TTYH2: variants seen among roughly 807,000 people sequenced by gnomAD.
TTYH2 encodes the protein tweety family member 2, also known as protein tweety homolog 2.
TTYH2 carries 49 observed loss-of-function variants against 68.3 expected under a neutral mutation model. The observed-to-expected ratio is 0.72, with a 90% confidence interval of 0.57 to 0.91. The LOEUF (loss-of-function observed/expected upper bound fraction) is 0.91. TTYH2 is among the 40% of genes least tolerant of loss of function. TTYH2 has a pLI of 0.00. For missense variants in TTYH2, 631 were observed against 700.4 expected, an observed-to-expected ratio of 0.90 and a Z score of 1.12; for synonymous variants, 272 against 300.8, an observed-to-expected ratio of 0.90 and a Z score of 0.99.
chr17:74,221,262 G>A (rs2050272943), intron 1 of TTYH2, among the ~76,000 whole-genome samples: 1 of 152,172 alleles, frequency 6.6e-6, no homozygotes, highest in African/African-American at 2.4e-5. Context: ...CATCTCACAG[G>A]GCTGGCAGCG....
At chr17:74,248,610 T>C (rs2050585612) in intron 6 of TTYH2, 1 of 1,075,920 alleles carries the variant, frequency 9.3e-7, no homozygotes, top group Non-Finnish European at 1.1e-6. Flanking sequence ...GAGGCCATGG[T>C]GTAACGAACT....
At chr17:74,246,291 T>G (rs1275152949) in intron 6 of TTYH2, among the ~76,000 whole-genome samples, 1 of 152,074 alleles carries the variant, frequency 6.6e-6, no homozygotes, top group Non-Finnish European at 1.5e-5. Flanking sequence ...GCCCACATCC[T>G]CCCTTCACCC....
At chr17:74,233,361 C>T (rs902246421) in intron 3 of TTYH2, among the ~76,000 whole-genome samples, 5 of 152,140 alleles carry the variant, frequency 3.3e-5, no homozygotes, top group Admixed American at 2.6e-4. Context: ...GGGAGAAGTC[C>T]GGATATCAGA....
chr17:74,253,181 T>G lies in TTYH2; in HGVS notation c.1360T>G (p.Cys454Gly), dbSNP rs972622570. 2.5e-6 allele frequency: 4 copies of G among 1,613,950 alleles called. No homozygotes were observed. The Admixed American group carries it at 6.7e-5, about 27-fold the overall frequency. ...CCCGAGGGGACAGCTTCACAGCTTCTGCAGCTACAGCAGTGGCCTGGGAAG... is the reference window on the plus strand; with the variant it reads ...CCCGAGGGGACAGCTTCACAGCTTCGGCAGCTACAGCAGTGGCCTGGGAAG... Reference protein sequence around the residue: ...SPPRGQLHSFCSYSSGLGSQT... With the variant: ...SPPRGQLHSFGSYSSGLGSQT... The change falls in exon 12 of 14, where the codon TGC becomes GGC. Residue 454 changes from cysteine to glycine, a missense_variant. Cys to Gly is a radical substitution (Grantham distance 159). Transcript: ENST00000269346.
intron 2 of TTYH2, among the ~76,000 whole-genome samples, chr17:74,226,454 G>T (rs1400762531): frequency 6.6e-6 from 1 of 152,164 alleles, no homozygotes; most frequent in Non-Finnish European, 1.5e-5. Flanking sequence ...GTGGGAGGGG[G>T]GTTGGGAAAA....
rs756843412 is a variant in TTYH2 at position 74,215,635 on chromosome 17, G to A, written c.129+1919G>A. The A allele has an allele frequency of 9.1e-6, 14 of 1,535,524 alleles. No homozygotes were observed. The highest frequency in any genetic ancestry group is 1.7e-4 in the Middle Eastern group (1 of 5,994). On this transcript the variant is annotated intron_variant, in intron 1 of 13. Transcript: ENST00000269346. The surrounding 1 kb of genome is among the most constrained non-coding windows in gnomAD (Gnocchi z 4.3). Reference sequence around the variant, plus strand: ...TCACCCCCTCACCACCACTCAGATCGCTGAGTAGGAGATGAGCGTGGTGGG... The same window carrying A: ...TCACCCCCTCACCACCACTCAGATCACTGAGTAGGAGATGAGCGTGGTGGG...
At chr17:74,251,972 C>T in intron 10 of TTYH2, 1 of 479,672 alleles carries the variant, frequency 2.1e-6, no homozygotes, top group Non-Finnish European at 3.8e-6. Context: ...CCTGCAACCT[C>T]CTCCGCCCTG....
intron 13 of TTYH2, among the ~76,000 whole-genome samples, chr17:74,258,745 C>T (rs994025708): frequency 1.6e-4 from 24 of 152,222 alleles, no homozygotes; most frequent in African/African-American, 5.8e-4. Context: ...TCCCTGGCAT[C>T]TACTTGCTAC....
At chr17:74,258,046 C>G (rs2050710718) in intron 13 of TTYH2, among the ~76,000 whole-genome samples, 1 of 151,850 alleles carries the variant, frequency 6.6e-6, no homozygotes, top group East Asian at 2.0e-4. Context: ...CCCACCTACT[C>G]GGGAGGCTGA....
chr17:74,249,823 G>A, intron 8 of TTYH2, 113 bp from the exon 9 acceptor site: 1 of 1,270,598 alleles, frequency 7.9e-7, no homozygotes, highest in Admixed American at 1.7e-5. Flanking sequence ...GGGGGTGGGA[G>A]GGGCAGGAGC....
Position 74,243,888 on chromosome 17 carries a change from T to C in TTYH2, c.732-89T>C, listed in dbSNP as rs544401373. The C allele has an allele frequency of 6.9e-4, 884 of 1,273,084 alleles. 1 individual carries two copies. The highest frequency in any genetic ancestry group is 8.9e-4 in the Non-Finnish European group (820 of 918,234). The allele number at this position is 1,273,084 out of a possible 1,614,324, so 78.9% of individuals were successfully genotyped here. A position where few individuals can be genotyped will look rare whatever the true frequency, so the allele number is the denominator to read the frequency against. The stretch of plus-strand genomic sequence containing the variant: ...GGGACTGAGGCTGCCTTTGGATCCA[T>C]TGCAAGGGTCTGGGGGCAGGGTGGG... On this transcript the variant is annotated intron_variant, in intron 5 of 13. Coordinates refer to ENST00000269346, the MANE Select transcript of TTYH2 (RefSeq NM_032646.6).
At chr17:74,237,064 T>C (rs904370010) in intron 3 of TTYH2, among the ~76,000 whole-genome samples, 6 of 151,482 alleles carry the variant, frequency 4.0e-5, no homozygotes, top group Admixed American at 1.3e-4. Flanking sequence ...ACCTGGCTAA[T>C]TTTTATATAT....
intron 4 of TTYH2, among the ~76,000 whole-genome samples, chr17:74,238,321 G>A (rs1259921860): frequency 6.6e-6 from 1 of 152,240 alleles, no homozygotes; most frequent in Non-Finnish European, 1.5e-5. Flanking sequence ...TGACCTACAA[G>A]TCATTGTGCT....
chr17:74,260,594 G>T lies in TTYH2; in HGVS notation c.*385G>T, dbSNP rs999538928. ...TGTGTGTTCTCTCTGGTCCCACAAC[G>T]ATGACTCTGCCTCTTGTCAGCCCAG... is the stretch of plus-strand genomic sequence containing the variant. On this transcript the variant is annotated 3_prime_UTR_variant, in exon 14 of 14. Transcript: ENST00000269346. 3.9e-6 allele frequency: 1 copy of T among 256,224 alleles called. No homozygotes were observed. Among genetic ancestry groups the T allele is most frequent in the East Asian group, 8.1e-5 (1 of 12,312 alleles). 15.9% of individuals were successfully genotyped at this position (256,224 alleles called of 1,614,324 possible).
At chr17:74,228,706 G>A (rs998419553) in intron 2 of TTYH2, among the ~76,000 whole-genome samples, 2 of 152,148 alleles carry the variant, frequency 1.3e-5, no homozygotes, top group African/African-American at 4.8e-5. Context: ...AGTGGGGGGC[G>A]GGGGGAACCA....
chr17:74,224,043 C>T (rs530633176), intron 2 of TTYH2, among the ~76,000 whole-genome samples: 5 of 152,334 alleles, frequency 3.3e-5, no homozygotes, highest in Admixed American at 3.3e-4. Context: ...GAGTTCTGGA[C>T]AGGCCGGGAG....
chr17:74,215,585 C>T lies in TTYH2; in HGVS notation c.129+1869C>T. 6.6e-7 allele frequency: 1 copy of T among 1,519,246 alleles called. No homozygotes were observed. The highest frequency in any genetic ancestry group is 1.2e-5 in the South Asian group (1 of 83,468). The allele number at this position is 1,519,246 out of a possible 1,614,324, so 94.1% of individuals were successfully genotyped here. A position where few individuals can be genotyped will look rare whatever the true frequency, so the allele number is the denominator to read the frequency against. ...CTGCTCCTGGGCAGCTGACACCAGC[C>T]CTGCCCACTGGCTCCTGGTCCCGCT... is the stretch of plus-strand genomic sequence containing the variant. On this transcript the variant is annotated intron_variant, in intron 1 of 13. Transcript: ENST00000269346. The surrounding 1 kb of genome is among the most constrained non-coding windows in gnomAD (Gnocchi z 4.3).
rs973702697 is a variant in TTYH2 at position 74,214,844 on chromosome 17, C to A, written c.129+1128C>A. Among the ~76,000 whole-genome samples, 7 of 152,192 alleles carry A rather than the reference C, an allele frequency of 4.6e-5. No individual in the cohort carries two copies. Among genetic ancestry groups the A allele is most frequent in the African/African-American group, 1.7e-4 (7 of 41,438 alleles). On this transcript the variant is annotated intron_variant, in intron 1 of 13. Transcript: ENST00000269346. This position sits in a 1 kb window ranked among gnomAD's most constrained non-coding sequence, Gnocchi z 4.6. ...TGGGACAGATCAGGGCAAAGCAGGG[C>A]CTCTTGGAGGGAATCCTGATCCAGT...
In TTYH2 at chr17:74,249,962, T is replaced by C. The variant is rs3897753; in HGVS notation, c.957T>C (p.Leu319=). 654,999 of 1,613,320 alleles carry C rather than the reference T, an allele frequency of 0.41. 139,212 individuals carry two copies. The highest frequency in any genetic ancestry group is 0.7 in the African/African-American group (52,052 of 74,764). The part of the protein sequence containing the change: ...QQTLTTFQRA[L]TTMQIQVAGL... Reference sequence around the variant, plus strand: ...CCCTGACCACCTTCCAGCGCGCACTTACCACCATGCAGATCCAGGTCGCGG... The same window carrying C: ...CCCTGACCACCTTCCAGCGCGCACTCACCACCATGCAGATCCAGGTCGCGG... Residue 319 remains leucine, a synonymous_variant, in exon 9 of 14, where the codon CTT becomes CTC. Transcript: ENST00000269346.
Sources: gnomAD v4.1 joint callset for allele counts (sites outside exome capture counted in the v4.1 genomes callset) on GRCh38, gnomAD v4.1.1 for gene constraint, Gnocchi (gnomAD v3.1) non-coding constraint, MANE v1.5 for transcripts, NCBI Gene and HGNC (gene_info 2026-07-23, HGNC 2026-07-21) for gene names.